SLC6A6: variants seen among roughly 807,000 people sequenced by gnomAD.
SLC6A6 encodes solute carrier family 6 member 6, also known as sodium- and chloride-dependent taurine transporter.
A neutral mutation model predicts 68.8 loss-of-function variants in SLC6A6; 16 were observed. That is an observed-to-expected ratio of 0.23 (90% CI 0.16 to 0.35). The LOEUF is 0.35. Ranked by LOEUF, SLC6A6 falls within the 10% of genes least tolerant of loss-of-function variation. The probability of loss-of-function intolerance (pLI) is 1.00; values close to 1 mark genes in which losing one functional copy is unlikely to be tolerated. For missense variants in SLC6A6, 474 were observed against 802.8 expected, an observed-to-expected ratio of 0.59 and a Z score of 4.95; for synonymous variants, 312 against 315.4, an observed-to-expected ratio of 0.99 and a Z score of 0.12.
intron 2 of SLC6A6, among the ~76,000 whole-genome samples, chr3:14,437,962 G>GGATT (rs1699896267): frequency 6.6e-6 from 1 of 151,020 alleles, no homozygotes; most frequent in Admixed American, 6.6e-5. Context: ...TGAGTAGCTG[G>GGATT]GATTACAGGA....
At position 14,481,650 on chromosome 3, in the gene SLC6A6, A is replaced by C; in HGVS notation, c.1552-21A>C. 1.3e-6 allele frequency: 2 copies of C among 1,533,274 alleles called. No individual in the cohort carries two copies. The highest frequency in any genetic ancestry group is 1.8e-6 in the Non-Finnish European group (2 of 1,120,716). The allele number at this position is 1,533,274 out of a possible 1,614,324, so 95.0% of individuals were successfully genotyped here. On this transcript the variant is annotated intron_variant, in intron 13 of 14. Transcript: ENST00000622186. This position sits in a 1 kb window ranked among gnomAD's most constrained non-coding sequence, Gnocchi z 4.7. ...CCCGATGCCCAGGACCCCTCTCCTG[A>C]CTGCCCCCATCTCTCCGCAGGGATG... is the stretch of plus-strand genomic sequence containing the variant.
chr3:14,452,100 G>T (rs1700265387), intron 5 of SLC6A6, among the ~76,000 whole-genome samples: 1 of 152,180 alleles, frequency 6.6e-6, no homozygotes, highest in Non-Finnish European at 1.5e-5. Flanking sequence ...CTTCTTCTGG[G>T]CAGGAAAGGT....
In SLC6A6 at chr3:14,485,539, G is replaced by A. The variant is rs1456919306; in HGVS notation, c.*532G>A. On this transcript the variant is annotated 3_prime_UTR_variant, in exon 15 of 15. Transcript: ENST00000622186. ...CTTCCAAATCCTGGTTCAGATGGAAGAAATAGCAGGAGAGAGGACCCATTA... is the reference window on the plus strand; with the variant it reads ...CTTCCAAATCCTGGTTCAGATGGAAAAAATAGCAGGAGAGAGGACCCATTA... The A allele has an allele frequency of 6.5e-6, 1 of 152,760 alleles. No homozygotes were observed. The highest frequency in any genetic ancestry group is 2.4e-5 in the African/African-American group (1 of 41,418). 9.5% of individuals were successfully genotyped at this position (152,760 alleles called of 1,614,324 possible).
chr3:14,479,023 C>T (rs970187551), intron 12 of SLC6A6, 62 bp from the exon 13 acceptor site: 23 of 1,033,770 alleles, frequency 2.2e-5, no homozygotes, highest in Non-Finnish European at 3.5e-5. Flanking sequence ...CCACTCATGG[C>T]CCCTGAGCTG....
chr3:14,428,896 CAGTG>C (rs1286197263), intron 2 of SLC6A6, among the ~76,000 whole-genome samples: 1 of 152,192 alleles, frequency 6.6e-6, no homozygotes, highest in African/African-American at 2.4e-5. Context: ...TGCTGGGTGA[CAGTG>C]AGGGGAGCCC....
intron 10 of SLC6A6, among the ~76,000 whole-genome samples, chr3:14,476,735 G>A (rs1210974215): frequency 2.0e-5 from 3 of 152,218 alleles, no homozygotes; most frequent in Non-Finnish European, 2.9e-5. Flanking sequence ...CTCGGCATTC[G>A]AGGCCCAAAA....
At position 14,485,159 on chromosome 3, in the gene SLC6A6, CGTGT is replaced by C. The variant is rs113673472; in HGVS notation, c.*167_*170del. 282 of 462,350 alleles carry C rather than the reference CGTGT, an allele frequency of 6.1e-4. No homozygotes were observed. The highest frequency in any genetic ancestry group is 5.4e-4 in the Non-Finnish European group (145 of 268,386). The allele number at this position is 462,350 out of a possible 1,614,324, so 28.6% of individuals were successfully genotyped here. A position where few individuals can be genotyped will look rare whatever the true frequency, so the allele number is the denominator to read the frequency against. On this transcript the variant is annotated 3_prime_UTR_variant, in exon 15 of 15. Coordinates refer to ENST00000622186, the MANE Select transcript of SLC6A6 (RefSeq NM_003043.6). ...ATGTAATTGTGGGTATGTGTGCGTG[CGTGT>C]GTGTGTGTGTGTGTATCGTGTGTGT...
Position 14,481,505 on chromosome 3 carries a change from G to A in SLC6A6, c.1552-166G>A, listed in dbSNP as rs552930571. ...GGAAACGACTTACTGTGTTTTTACC[G>A]GGGCGGGGGGGATCCTTATGGCAGC... is the stretch of plus-strand genomic sequence containing the variant. On this transcript the variant is annotated intron_variant, in intron 13 of 14. Transcript: ENST00000622186. The surrounding 1 kb of genome is among the most constrained non-coding windows in gnomAD (Gnocchi z 4.7). Among the ~76,000 whole-genome samples the A allele has an allele frequency of 8.5e-5, 13 of 152,096 alleles. No individual in the cohort carries two copies. The highest frequency in any genetic ancestry group is 1.5e-4 in the Non-Finnish European group (10 of 67,980).
intron 5 of SLC6A6, among the ~76,000 whole-genome samples, chr3:14,448,905 C>A (rs2124953663): frequency 6.6e-6 from 1 of 152,352 alleles, no homozygotes; most frequent in East Asian, 1.9e-4. Context: ...CAAGTGCAGC[C>A]CCTTGACCCT....
intron 2 of SLC6A6, among the ~76,000 whole-genome samples, chr3:14,421,721 C>A (rs948582475): frequency 1.1e-4 from 17 of 152,286 alleles, no homozygotes; most frequent in African/African-American, 4.1e-4. Flanking sequence ...GTTACTACTG[C>A]CCCCCATTTA....
intron 2 of SLC6A6, among the ~76,000 whole-genome samples, chr3:14,442,558 A>G (rs1700015420): frequency 6.6e-6 from 1 of 152,196 alleles, no homozygotes; most frequent in African/African-American, 2.4e-5. Context: ...AGGGGTATCC[A>G]CCTTCTGCAC....
rs1368341643 is a variant in SLC6A6, at chr3:14,445,822, G to C, written c.335G>C (p.Cys112Ser). 4 of 1,614,258 alleles carry C rather than the reference G, an allele frequency of 2.5e-6. No individual in the cohort carries two copies. In the African/African-American group the frequency reaches 4.0e-5, roughly 16 times the overall value. ...GQYTSEGGIT[C>S]WEKICPLFSG... is the part of the protein sequence containing the mutation. Reference sequence around the variant, plus strand: ...TACACCTCTGAAGGGGGCATCACCTGCTGGGAAAAGATCTGCCCCTTGTTC... The same window carrying C: ...TACACCTCTGAAGGGGGCATCACCTCCTGGGAAAAGATCTGCCCCTTGTTC... Residue 112 changes from cysteine (C) to serine (S), a missense_variant, in exon 4 of 15, where the codon TGC becomes TCC. Cys to Ser is a moderately radical substitution (Grantham distance 112). Around this residue, in one of 2 missense-constraint regions of SLC6A6, gnomAD observed 280 missense variants for 533.1 expected, o/e 0.53. Transcript: ENST00000622186.
At position 14,484,919 on chromosome 3, in the gene SLC6A6, G is replaced by T. The variant is rs550083440; in HGVS notation, c.1775G>T (p.Arg592Leu). Residue 592 changes from arginine (R) to leucine (L), a missense_variant, in exon 15 of 15, where the codon CGC (arginine) becomes CTC (leucine). Physicochemically the swap from Arg to Leu is moderately radical, Grantham distance 102. Around this residue, in one of 2 missense-constraint regions of SLC6A6, gnomAD observed 194 missense variants for 269.8 expected, o/e 0.72. Transcript: ENST00000622186. The part of the protein sequence containing the change: ...PREPNRWAVE[R>L]EGATPYNSRT... ...GAACCCAACCGCTGGGCTGTGGAGC[G>T]CGAGGGAGCCACACCTTACAACTCT... is the stretch of plus-strand genomic sequence containing the variant. The T allele has an allele frequency of 1.2e-6, 2 of 1,612,218 alleles. No homozygotes were observed. Among genetic ancestry groups the T allele is most frequent in the African/African-American group, 2.7e-5 (2 of 74,840 alleles).
chr3:14,422,467 C>T (rs952436790), intron 2 of SLC6A6, among the ~76,000 whole-genome samples: 1 of 152,160 alleles, frequency 6.6e-6, no homozygotes, highest in Non-Finnish European at 1.5e-5. Context: ...GATTTAGGAG[C>T]CGATGCCCTG....
At chr3:14,461,624 CT>C (rs1345868520) in intron 6 of SLC6A6, among the ~76,000 whole-genome samples, 1 of 152,212 alleles carries the variant, frequency 6.6e-6, no homozygotes, top group Non-Finnish European at 1.5e-5. Flanking sequence ...CGGAGCAGCT[CT>C]TTTTGCCTGG....
chr3:14,447,362 C>A (rs1338157757), intron 4 of SLC6A6, among the ~76,000 whole-genome samples: 1 of 152,120 alleles, frequency 6.6e-6, no homozygotes, highest in Non-Finnish European at 1.5e-5. Flanking sequence ...TGTTCTATCC[C>A]CCCTGCCCCC....
At chr3:14,445,653 G>A in intron 3 of SLC6A6, 64 bp from the exon 4 acceptor site, 2 of 1,595,054 alleles carry the variant, frequency 1.3e-6, no homozygotes, top group Non-Finnish European at 1.7e-6. Context: ...GGAGGGCTTG[G>A]GAGCCTTCTG....
chr3:14,470,763 T>G (rs976776532), intron 9 of SLC6A6, among the ~76,000 whole-genome samples: 6 of 152,160 alleles, frequency 3.9e-5, no homozygotes, highest in Middle Eastern at 3.2e-3. Flanking sequence ...CAACTTTGAT[T>G]CAAAAGTCAT....
chr3:14,455,618 C>T (rs115118482), intron 5 of SLC6A6, among the ~76,000 whole-genome samples: 575 of 152,324 alleles, frequency 3.8e-3, no homozygotes, highest in African/African-American at 0.013. Flanking sequence ...TCCTTTGAGA[C>T]GGAGGATAGT....
Sources: gnomAD v4.1 joint callset for allele counts (sites outside exome capture counted in the v4.1 genomes callset) on GRCh38, gnomAD v4.1.1 for gene constraint, gnomAD v4.1.1 regional missense constraint, Gnocchi (gnomAD v3.1) non-coding constraint, MANE v1.5 for transcripts, NCBI Gene and HGNC (gene_info 2026-07-23, HGNC 2026-07-21) for gene names.